The following RASGRF1 variants were observed in gnomAD, a reference collection of about 807,000 sequenced individuals.
RASGRF1 encodes Ras protein specific guanine nucleotide releasing factor 1.
A neutral mutation model predicts 138.7 loss-of-function variants in RASGRF1; 40 were observed. That is an observed-to-expected ratio of 0.29 (90% CI 0.22 to 0.38). The LOEUF (loss-of-function observed/expected upper bound fraction) is 0.38. Among genes scored for constraint, RASGRF1 ranks in the 10% least tolerant of loss-of-function variants. RASGRF1 has a pLI of 1.00. For missense variants in RASGRF1, 1,108 were observed against 1,650.4 expected, an observed-to-expected ratio of 0.67 and a Z score of 5.69; for synonymous variants, 614 against 663.2, an observed-to-expected ratio of 0.93 and a Z score of 1.14.
At chr15:79,035,062 C>G (rs2057198875) in intron 6 of RASGRF1, 69 bp downstream of exon 6, 4 of 1,375,538 alleles carry the variant, frequency 2.9e-6, no homozygotes, top group Non-Finnish European at 3.0e-6. Context: ...GACAAAACTG[C>G]CCCAGGCTTT....
intron 1 of RASGRF1, among the ~76,000 whole-genome samples, chr15:79,081,439 T>C (rs1181383960): frequency 2.0e-5 from 3 of 152,164 alleles, no homozygotes; most frequent in Non-Finnish European, 4.4e-5. Flanking sequence ...CTGGTGATCT[T>C]CCTAACACAC....
chr15:78,971,744 G>T, intron 26 of RASGRF1, 122 bp downstream of exon 26: 1 of 930,768 alleles, frequency 1.1e-6, no homozygotes, highest in South Asian at 1.4e-5. Context: ...GATGGCATTT[G>T]AGCTGGGCTC....
intron 5 of RASGRF1, among the ~76,000 whole-genome samples, chr15:79,042,266 A>G (rs1381978524): frequency 6.6e-6 from 1 of 152,222 alleles, no homozygotes; most frequent in African/African-American, 2.4e-5. Context: ...TCAAATTAGC[A>G]CCAGGTTTCT....
intron 1 of RASGRF1, among the ~76,000 whole-genome samples, chr15:79,068,048 T>C (rs1488595935): frequency 2.0e-5 from 3 of 151,940 alleles, no homozygotes; most frequent in Admixed American, 2.0e-4. Flanking sequence ...GGAAAGTGAC[T>C]GATTTTGTGA....
intron 9 of RASGRF1, among the ~76,000 whole-genome samples, chr15:79,026,339 C>G (rs770817944): frequency 1.3e-5 from 2 of 152,244 alleles, no homozygotes; most frequent in African/African-American, 2.4e-5. Context: ...TTCACTCTGT[C>G]TTCCCTGTGA....
At chr15:79,056,178 C>T (rs539284504) in intron 3 of RASGRF1, among the ~76,000 whole-genome samples, 28 of 152,210 alleles carry the variant, frequency 1.8e-4, no homozygotes, top group African/African-American at 5.8e-4. Context: ...GGCCAGGAGG[C>T]GGATAGTGCA....
At chr15:79,084,274 T>C (rs1386271596) in intron 1 of RASGRF1, among the ~76,000 whole-genome samples, 2 of 152,248 alleles carry the variant, frequency 1.3e-5, no homozygotes, top group South Asian at 2.1e-4. Context: ...GGAGGAGTGA[T>C]GGCACCTGCC....
chr15:79,066,926 A>T (rs1294501080), intron 1 of RASGRF1, among the ~76,000 whole-genome samples: 1 of 152,026 alleles, frequency 6.6e-6, no homozygotes, highest in Non-Finnish European at 1.5e-5. Context: ...TCACTCCAAT[A>T]GTTGCCAGTT....
intron 10 of RASGRF1, among the ~76,000 whole-genome samples, chr15:79,024,327 C>T (rs747939450): frequency 1.3e-5 from 2 of 151,900 alleles, no homozygotes; most frequent in Non-Finnish European, 2.9e-5. Flanking sequence ...ACAATGAACA[C>T]ACACAAATGC....
chr15:79,070,529 T>C (rs529008401), intron 1 of RASGRF1, among the ~76,000 whole-genome samples: 2 of 152,174 alleles, frequency 1.3e-5, no homozygotes, highest in South Asian at 4.1e-4. Context: ...AAATGACAGG[T>C]GTAGGTGGCA....
intron 8 of RASGRF1, among the ~76,000 whole-genome samples, chr15:79,029,476 T>G (rs1186708107): frequency 1.3e-5 from 2 of 152,060 alleles, no homozygotes; most frequent in Non-Finnish European, 2.9e-5. Context: ...CAGCCCCAGG[T>G]GGGGGTCTGT....
rs1413720158 is a variant in RASGRF1 at position 79,032,453 on chromosome 15, T to C, written c.959-137A>G. On this transcript the variant is annotated intron_variant, in intron 6 of 26. Coordinates refer to ENST00000558480, the MANE Select transcript of RASGRF1 (RefSeq NM_001145648.3). This position sits in a 1 kb window ranked among gnomAD's most constrained non-coding sequence, Gnocchi z 4.5. ...TTCCCCACCCCAGAGACATCTCTGC[T>C]CTTGGGGATGACTCCAGTACCACTG... 1.3e-6 allele frequency: 1 copy of C among 787,226 alleles called. No homozygotes were observed. Among genetic ancestry groups the C allele is most frequent in the Non-Finnish European group, 2.0e-6 (1 of 492,026 alleles). 48.8% of individuals were successfully genotyped at this position (787,226 alleles called of 1,614,324 possible).
At chr15:79,033,289 C>CTGGAG (rs1382419018) in intron 6 of RASGRF1, among the ~76,000 whole-genome samples, 1 of 152,220 alleles carries the variant, frequency 6.6e-6, no homozygotes, top group African/African-American at 2.4e-5. Context: ...GTTGCCCAGG[C>CTGGAG]TGGAGTGCAG....
intron 25 of RASGRF1, among the ~76,000 whole-genome samples, chr15:78,972,300 T>C (rs1364908683): frequency 6.6e-6 from 1 of 152,100 alleles, no homozygotes; most frequent in Non-Finnish European, 1.5e-5. Flanking sequence ...TTCACCATGT[T>C]GACCAGGCTG....
chr15:79,011,641 T>G (rs1699064406), intron 13 of RASGRF1, among the ~76,000 whole-genome samples: 1 of 152,166 alleles, frequency 6.6e-6, no homozygotes. Context: ...GAGAGGGCAA[T>G]TCTGTGCCAT....
chr15:79,024,610 T>A (rs868029578), intron 10 of RASGRF1, among the ~76,000 whole-genome samples: 1 of 152,174 alleles, frequency 6.6e-6, no homozygotes, highest in African/African-American at 2.4e-5. Flanking sequence ...GCTATTCTTG[T>A]GATATTGAAT....
chr15:78,962,123 G>A lies in RASGRF1; in HGVS notation c.*21C>T. The A allele has an allele frequency of 1.4e-6, 2 of 1,459,776 alleles. No individual in the cohort carries two copies. Among genetic ancestry groups the A allele is most frequent in the Non-Finnish European group, 1.9e-6 (2 of 1,052,780 alleles). The allele number at this position is 1,459,776 out of a possible 1,614,324, so 90.4% of individuals were successfully genotyped here. A position where few individuals can be genotyped will look rare whatever the true frequency, so the allele number is the denominator to read the frequency against. On this transcript the variant is annotated 3_prime_UTR_variant, in exon 27 of 27. Transcript: ENST00000558480. ...CTAGCACATGTCCCCGGGAGCAGCT[G>A]GGTCTGGGCTGGGCTCAGCTTCAGG...
intron 3 of RASGRF1, among the ~76,000 whole-genome samples, chr15:79,051,984 T>C (rs1015091629): frequency 1.3e-5 from 2 of 152,186 alleles, no homozygotes; most frequent in South Asian, 4.1e-4. Flanking sequence ...GAAGTAGATT[T>C]TGCTTTGCAC....
chr15:78,999,780 G>A lies in RASGRF1; in HGVS notation c.2709C>T (p.Asn903=). 1 of 1,614,156 alleles carries A rather than the reference G, an allele frequency of 6.2e-7. No individual in the cohort carries two copies. The highest frequency in any genetic ancestry group is 8.5e-7 in the Non-Finnish European group (1 of 1,180,018). The change falls in exon 17 of 27, where the codon AAC becomes AAT. Residue 903 remains asparagine, a synonymous_variant. Transcript: ENST00000558480. ...ATAGANEGTP[N]KEKYRRMSLA... ...AGGACATCCTCCGGTACTTCTCCTT[G>A]TTTGGGGTGCCCTCGTTGGCCCCGG...
Sources: allele counts gnomAD v4.1 joint callset (sites outside exome capture counted in the v4.1 genomes callset), GRCh38; gene constraint gnomAD v4.1.1; non-coding constraint Gnocchi (gnomAD v3.1); transcripts MANE v1.5; gene names NCBI Gene and HGNC (gene_info 2026-07-23, HGNC 2026-07-21).